Variants in ANKZF1 observed in about 807,000 individuals in gnomAD.
ANKZF1 encodes ankyrin repeat and zinc finger peptidyl tRNA hydrolase 1, also known as tRNA endonuclease ANKZF1.
ANKZF1 carries 84 observed loss-of-function variants against 86.0 expected under a neutral mutation model. The observed-to-expected ratio is 0.98, with a 90% CI of 0.82 to 1.17. The LOEUF (loss-of-function observed/expected upper bound fraction) is 1.17, where lower values mean the gene tolerates loss of function less well. ANKZF1 is among the 50% of genes most tolerant of loss of function. The probability of loss-of-function intolerance (pLI) is 0.00; values close to 1 mark genes in which losing one functional copy is unlikely to be tolerated. For synonymous variants in ANKZF1, 331 were observed against 354.2 expected, an observed-to-expected ratio of 0.93 and a Z score of 0.74; for missense variants, 893 against 918.4, an observed-to-expected ratio of 0.97 and a Z score of 0.36.
chr2:219,232,463 T>C lies in ANKZF1; in HGVS notation c.365-27T>C, dbSNP rs375545713. 5.5e-5 allele frequency: 89 copies of C among 1,612,384 alleles called. No homozygotes were observed. The African/African-American group carries it at 1.1e-3, about 20-fold the overall frequency. Reference sequence around the variant, plus strand: ...AAGAACAAAAATGGGGTACCAAACTTGTGTATCTCATATTGTCTGTCTTCA... The same window carrying C: ...AAGAACAAAAATGGGGTACCAAACTCGTGTATCTCATATTGTCTGTCTTCA... On this transcript the variant is annotated intron_variant, in intron 4 of 13. Transcript: ENST00000323348.
At chr2:219,233,632 C>T in intron 7 of ANKZF1, 83 bp from the exon 8 acceptor site, 1 of 1,477,068 alleles carries the variant, frequency 6.8e-7, no homozygotes, top group Non-Finnish European at 9.1e-7. Flanking sequence ...CCACCCCTTG[C>T]ACTTCTGTGG....
At position 219,232,809 on chromosome 2, in the gene ANKZF1, C is replaced by T. The variant is rs143724365; in HGVS notation, c.558+126C>T. ...TGTTGGTTGTGGGTATCACGCTTGA[C>T]AACATAGTCTTGAATTGAAACTGGC... On this transcript the variant is annotated intron_variant, in intron 5 of 13. Transcript: ENST00000323348. 375 of 1,097,806 alleles carry T rather than the reference C, an allele frequency of 3.4e-4. 1 individual carries two copies. In the African/African-American group the frequency reaches 4.7e-3, roughly 14 times the overall value. The allele number at this position is 1,097,806 out of a possible 1,614,324, so 68.0% of individuals were successfully genotyped here.
At chr2:219,233,690 A>G in intron 7 of ANKZF1, 25 bp from the exon 8 acceptor site, 1 of 1,582,940 alleles carries the variant, frequency 6.3e-7, no homozygotes, top group South Asian at 1.2e-5. Context: ...GAAGGTATGC[A>G]GGACTGAGTT....
Position 219,235,098 on chromosome 2 carries a change from G to A in ANKZF1, c.1477G>A (p.Glu493Lys). ...LDEAKAPGQP[E>K]LWNALLAACR... The stretch of plus-strand genomic sequence containing the variant: ...TGAGGCCAAAGCCCCTGGTCAGCCA[G>A]AGCTCTGGAATGCACTGCTTGCTGC... Residue 493 changes from glutamate to lysine, a missense_variant, in exon 10 of 14, where the codon GAG (glutamate) becomes AAG (lysine). Glu to Lys is a moderately conservative substitution (Grantham distance 56). Coordinates refer to ENST00000323348, the MANE Select transcript of ANKZF1 (RefSeq NM_018089.3). The A allele has an allele frequency of 6.2e-7, 1 of 1,614,270 alleles. No homozygotes were observed. Among genetic ancestry groups the A allele is most frequent in the Non-Finnish European group, 8.5e-7 (1 of 1,180,054 alleles).
In ANKZF1 at chr2:219,230,213, C is replaced by G. The variant is rs924529732; in HGVS notation, c.-30-15C>G. On this transcript the variant is annotated splice_polypyrimidine_tract_variant and intron_variant, in intron 1 of 13. Coordinates refer to ENST00000323348, the MANE Select transcript of ANKZF1 (RefSeq NM_018089.3). The stretch of plus-strand genomic sequence containing the variant: ...GTTTGCAGGAGCCCTGTTTCTTACA[C>G]GCTTTCTACTCCAGGAGCTGCTGCT... 2 of 1,594,806 alleles carry G rather than the reference C, an allele frequency of 1.3e-6. No individual in the cohort carries two copies. Among genetic ancestry groups the G allele is most frequent in the African/African-American group, 2.7e-5 (2 of 74,418 alleles).
At position 219,235,180 on chromosome 2, in the gene ANKZF1, A is replaced by G. The variant is rs1290239871; in HGVS notation, c.1559A>G (p.Asp520Gly). 6.2e-7 allele frequency: 1 copy of G among 1,613,946 alleles called. No homozygotes were observed. The highest frequency in any genetic ancestry group is 1.7e-5 in the Admixed American group (1 of 60,004). ...CTGCAGCTAGCTCCCAGCCCTGCAG[A>G]CCCTAGAGTTCTGTCTCTGCTCAGT... ...LKLQLAPSPA[D>G]PRVLSLLSAP... The change falls in exon 10 of 14, where the codon GAC becomes GGC. Residue 520 changes from aspartate (D) to glycine (G), a missense_variant. Physicochemically the swap from Asp to Gly is moderately conservative, Grantham distance 94 (BLOSUM62 -1). Coordinates refer to ENST00000323348, the MANE Select transcript of ANKZF1 (RefSeq NM_018089.3).
At position 219,230,289 on chromosome 2, in the gene ANKZF1, C is replaced by T. The variant is rs372724538; in HGVS notation, c.32C>T (p.Pro11Leu). 10 of 1,613,848 alleles carry T rather than the reference C, an allele frequency of 6.2e-6. No homozygotes were observed. In the African/African-American group the frequency reaches 1.3e-4, roughly 22 times the overall value. The change falls in exon 2 of 14, where the codon CCT becomes CTT. Residue 11 changes from proline to leucine, a missense_variant. Pro to Leu is a moderately conservative substitution (Grantham distance 98). Transcript: ENST00000323348. ...CCGGCTCCAGATGCAGCCCCGGCTCCTGCGTCGATCTCCCTGTTTGACCTC... is the reference window on the plus strand; with the variant it reads ...CCGGCTCCAGATGCAGCCCCGGCTCTTGCGTCGATCTCCCTGTTTGACCTC... Reference protein sequence around the residue: MSPAPDAAPAPASISLFDLSA... With the variant: MSPAPDAAPALASISLFDLSA...
Position 219,233,956 on chromosome 2 carries a change from T to TG in ANKZF1, c.1048+13_1048+14insG, listed in dbSNP as rs1951125623. Reference sequence around the variant, plus strand: ...TTGCATGTCTATGGTGAGCCTTTGCTCCAGATCCCAATTCCCTAGACCTTC... The same window carrying TG: ...TTGCATGTCTATGGTGAGCCTTTGCTGCCAGATCCCAATTCCCTAGACCTTC... On this transcript the variant is annotated intron_variant, in intron 8 of 13. Coordinates refer to ENST00000323348, the MANE Select transcript of ANKZF1 (RefSeq NM_018089.3). 2.6e-6 allele frequency: 4 copies of TG among 1,554,862 alleles called. No homozygotes were observed. Among genetic ancestry groups the TG allele is most frequent in the East Asian group, 2.2e-5 (1 of 44,526 alleles).
intron 10 of ANKZF1, 80 bp from the exon 11 acceptor site, chr2:219,235,394 A>C: frequency 1.3e-6 from 2 of 1,599,778 alleles, no homozygotes; most frequent in Admixed American, 3.4e-5. Context: ...GCTACTTGGC[A>C]ATATTCCCTT....
In ANKZF1 at chr2:219,231,978, G is replaced by A; in HGVS notation, c.199G>A (p.Asp67Asn). The change falls in exon 3 of 14, where the codon GAT becomes AAT. Residue 67 changes from aspartate to asparagine, a missense_variant. By Grantham distance (23) the Asp-to-Asn change is conservative (BLOSUM62 1). Coordinates refer to ENST00000323348, the MANE Select transcript of ANKZF1 (RefSeq NM_018089.3). ...PERKLLQGPM[D>N]ISEKLFCSTC... is the part of the protein sequence containing the mutation. ...AAGAAAGCTACTCCAGGGTCCTATG[G>A]ATATTTCAGAGAAGTTATTTTGTTC... 6.2e-7 allele frequency: 1 copy of A among 1,613,792 alleles called. No individual in the cohort carries two copies.
Position 219,231,919 on chromosome 2 carries a change from C to G in ANKZF1, c.149-9C>G. On this transcript the variant is annotated splice_polypyrimidine_tract_variant and intron_variant, in intron 2 of 13. Transcript: ENST00000323348. Reference sequence around the variant, plus strand: ...CCTTTCTATGTCCAATTCCTCTTCCCTTATTTAGGCTCAGGGGAGAGAGAA... The same window carrying G: ...CCTTTCTATGTCCAATTCCTCTTCCGTTATTTAGGCTCAGGGGAGAGAGAA... 1 of 1,611,570 alleles carries G rather than the reference C, an allele frequency of 6.2e-7. No homozygotes were observed. The highest frequency in any genetic ancestry group is 8.5e-7 in the Non-Finnish European group (1 of 1,177,858).
At position 219,232,239 on chromosome 2, in the gene ANKZF1, C is replaced by T. The variant is rs556685456; in HGVS notation, c.262-21C>T. ...CTGGGGCATATTTCCACCTTTATCT[C>T]ACTCTTTGTCTTTGTACTAGAGGGA... is the stretch of plus-strand genomic sequence containing the variant. On this transcript the variant is annotated intron_variant, in intron 3 of 13. Coordinates refer to ENST00000323348, the MANE Select transcript of ANKZF1 (RefSeq NM_018089.3). 39 of 1,609,838 alleles carry T rather than the reference C, an allele frequency of 2.4e-5. No individual in the cohort carries two copies. The East Asian group carries it at 8.7e-4, about 36-fold the overall frequency.
At position 219,236,523 on chromosome 2, in the gene ANKZF1, C is replaced by A; in HGVS notation, c.*78C>A. Reference sequence around the variant, plus strand: ...CAGCAGCCCTAGGTTTTTTCTTCCCCGTGAAACCAGAGATGATTTGGAAGA... The same window carrying A: ...CAGCAGCCCTAGGTTTTTTCTTCCCAGTGAAACCAGAGATGATTTGGAAGA... On this transcript the variant is annotated 3_prime_UTR_variant, in exon 14 of 14. Transcript: ENST00000323348. 6.7e-7 allele frequency: 1 copy of A among 1,495,336 alleles called. No individual in the cohort carries two copies. Among genetic ancestry groups the A allele is most frequent in the South Asian group, 1.3e-5 (1 of 74,124 alleles). 92.6% of individuals were successfully genotyped at this position (1,495,336 alleles called of 1,614,324 possible).
Position 219,231,948 on chromosome 2 carries a change from C to G in ANKZF1, c.169C>G (p.Pro57Ala), listed in dbSNP as rs1951050037. The G allele has an allele frequency of 6.2e-7, 1 of 1,613,670 alleles. No individual in the cohort carries two copies. The highest frequency in any genetic ancestry group is 8.5e-7 in the Non-Finnish European group (1 of 1,179,938). The part of the protein sequence containing the change: ...SCSGSGERES[P>A]ERKLLQGPMD... ...TTTAGGCTCAGGGGAGAGAGAAAGC[C>G]CAGAAAGAAAGCTACTCCAGGGTCC... The change falls in exon 3 of 14, where the codon CCA (proline) becomes GCA (alanine). Residue 57 changes from proline (P) to alanine (A), a missense_variant. Coordinates refer to ENST00000323348, the MANE Select transcript of ANKZF1 (RefSeq NM_018089.3).
chr2:219,231,467 T>C (rs2106456911), intron 2 of ANKZF1: 1 of 169,292 alleles, frequency 5.9e-6, no homozygotes, highest in East Asian at 1.8e-4. Context: ...TGATCTCGGC[T>C]CACTGCAAGC....
intron 2 of ANKZF1, 110 bp downstream of exon 2, chr2:219,230,515 A>T: frequency 7.4e-7 from 1 of 1,351,980 alleles, no homozygotes; most frequent in East Asian, 2.6e-5. Context: ...CAATTGATTT[A>T]TCTTTCTGCT....
chr2:219,235,184 T>C lies in ANKZF1; in HGVS notation c.1563T>C (p.Pro521=), dbSNP rs1339614992. 6.2e-7 allele frequency: 1 copy of C among 1,614,132 alleles called. No homozygotes were observed. Among genetic ancestry groups the C allele is most frequent in the Non-Finnish European group, 8.5e-7 (1 of 1,180,016 alleles). The change falls in exon 10 of 14, where the codon CCT becomes CCC. Residue 521 remains proline, a synonymous_variant. Coordinates refer to ENST00000323348, the MANE Select transcript of ANKZF1 (RefSeq NM_018089.3). ...AGCTAGCTCCCAGCCCTGCAGACCC[T>C]AGAGTTCTGTCTCTGCTCAGTGCCC... The part of the protein sequence containing the change: ...KLQLAPSPAD[P]RVLSLLSAPL...
At chr2:219,233,262 G>A (rs202127933) in intron 6 of ANKZF1, 24 bp from the exon 7 acceptor site, 12 of 1,614,120 alleles carry the variant, frequency 7.4e-6, no homozygotes, top group Non-Finnish European at 1.0e-5. Flanking sequence ...CTGGTCTCCA[G>A]TACTGAGTCT....
In ANKZF1 at chr2:219,234,858, G is replaced by A. The variant is rs1446848096; in HGVS notation, c.1237G>A (p.Val413Ile). Reference protein sequence around the residue: ...SGSEGEDGFQVELELVELTVG... With the variant: ...SGSEGEDGFQIELELVELTVG... ...GTCGGAGGGAGAAGATGGCTTTCAG[G>A]TAGAGTTGGAGCTAGTGGAGTTGAC... Residue 413 changes from valine to isoleucine, a missense_variant, in exon 10 of 14, where the codon GTA becomes ATA. By Grantham distance (29) the Val-to-Ile change is conservative (BLOSUM62 3). Coordinates refer to ENST00000323348, the MANE Select transcript of ANKZF1 (RefSeq NM_018089.3). 2 of 1,613,366 alleles carry A rather than the reference G, an allele frequency of 1.2e-6. No homozygotes were observed. Among genetic ancestry groups the A allele is most frequent in the Admixed American group, 1.7e-5 (1 of 59,952 alleles).
Sources: allele counts gnomAD v4.1 joint callset, GRCh38; gene constraint gnomAD v4.1.1; transcripts MANE v1.5; gene names NCBI Gene and HGNC (gene_info 2026-07-23, HGNC 2026-07-21).